CNTLN: variants seen among roughly 807,000 people sequenced by gnomAD.
CNTLN encodes the protein centlein, also known as centlein, centrosomal protein.
CNTLN carries 212 observed loss-of-function variants against 180.0 expected under a neutral mutation model. The observed-to-expected ratio is 1.18, with a 90% CI of 1.05 to 1.32. The LOEUF (loss-of-function observed/expected upper bound fraction) is 1.32. Among genes scored for constraint, CNTLN ranks in the 40% most tolerant of loss-of-function variants. The pLI is 0.00. For synonymous variants in CNTLN, 722 were observed against 563.1 expected (o/e 1.28, Z -3.99); for missense variants, 2,095 against 1,610.9 (o/e 1.30, Z -5.14).
At chr9:17,485,192 T>G (rs1832833562) in intron 24 of CNTLN, among the ~76,000 whole-genome samples, 1 of 152,146 alleles carries the variant, frequency 6.6e-6, no homozygotes, top group Admixed American at 6.5e-5. Context: ...TATTAGATTT[T>G]TATCCTTTGG....
chr9:17,245,627 A>G (rs1825754526), intron 5 of CNTLN, among the ~76,000 whole-genome samples: 1 of 151,678 alleles, frequency 6.6e-6, no homozygotes, highest in African/African-American at 2.4e-5. Context: ...CTTTGAATAT[A>G]TTTTCTAGCC....
intron 6 of CNTLN, among the ~76,000 whole-genome samples, chr9:17,294,976 G>A (rs76610117): frequency 3.4e-5 from 5 of 147,870 alleles, no homozygotes; most frequent in East Asian, 2.1e-4. Flanking sequence ...CAGCCCTGCC[G>A]CACAGGGAGG....
At chr9:17,354,927 G>A (rs1304850902) in intron 12 of CNTLN, among the ~76,000 whole-genome samples, 2 of 151,766 alleles carry the variant, frequency 1.3e-5, no homozygotes, top group African/African-American at 4.8e-5. Context: ...GAGACCACGA[G>A]CCCACCGGGA....
chr9:17,214,516 T>C (rs993346682), intron 2 of CNTLN, among the ~76,000 whole-genome samples: 2 of 152,190 alleles, frequency 1.3e-5, no homozygotes. Flanking sequence ...CTTTGGTGAA[T>C]CTGACAATTA....
At chr9:17,509,517 G>A in the CNTLN span, among the ~76,000 whole-genome samples, 1 of 152,210 alleles carries the variant, frequency 6.6e-6, no homozygotes, top group East Asian at 1.9e-4. Flanking sequence ...CTGTGCTCAT[G>A]AAATTCATGT....
intron 23 of CNTLN, among the ~76,000 whole-genome samples, chr9:17,468,519 GGC>G (rs1304521845): frequency 2.6e-5 from 4 of 151,204 alleles, no homozygotes; most frequent in African/African-American, 9.7e-5. Flanking sequence ...TGGAGCTTTT[GGC>G]TAAGATATAA....
chr9:17,290,478 C>T (rs1288427090), intron 6 of CNTLN, among the ~76,000 whole-genome samples: 1 of 147,226 alleles, frequency 6.8e-6, no homozygotes, highest in Non-Finnish European at 1.5e-5. Context: ...CTGTGCCCTG[C>T]CCCCAGAGGT....
intron 12 of CNTLN, among the ~76,000 whole-genome samples, chr9:17,361,739 C>G (rs147553442): frequency 6.6e-6 from 1 of 152,344 alleles, no homozygotes; most frequent in African/African-American, 2.4e-5. Flanking sequence ...AAAGTGCTTT[C>G]AGGCAGAAAT....
At chr9:17,517,294 A>C in the CNTLN span, among the ~76,000 whole-genome samples, 1 of 152,032 alleles carries the variant, frequency 6.6e-6, no homozygotes, top group Non-Finnish European at 1.5e-5. Flanking sequence ...GGTGAGGCTG[A>C]GGCAGGAGAA....
At chr9:17,522,699 T>C in the CNTLN span, among the ~76,000 whole-genome samples, 1 of 151,882 alleles carries the variant, frequency 6.6e-6, no homozygotes, top group African/African-American at 2.4e-5. Context: ...TCAGGCTATC[T>C]AGCTTTTTGT....
intron 15 of CNTLN, among the ~76,000 whole-genome samples, chr9:17,401,170 A>C (rs1338430993): frequency 6.6e-6 from 1 of 152,148 alleles, no homozygotes. Context: ...AGAACTTTGC[A>C]TATAGTTAGT....
intron 2 of CNTLN, among the ~76,000 whole-genome samples, chr9:17,193,123 A>G (rs1248113264): frequency 1.3e-5 from 2 of 152,124 alleles, no homozygotes; most frequent in Non-Finnish European, 2.9e-5. Context: ...GCTCCCTCCT[A>G]CAACCTGTGG....
At chr9:17,219,577 T>G (rs890617889) in intron 2 of CNTLN, among the ~76,000 whole-genome samples, 1 of 152,008 alleles carries the variant, frequency 6.6e-6, no homozygotes, top group Non-Finnish European at 1.5e-5. Flanking sequence ...TCAGGTATAT[T>G]TTTGAAGTTT....
At chr9:17,295,471 C>T (rs867402985) in intron 6 of CNTLN, among the ~76,000 whole-genome samples, 10 of 152,060 alleles carry the variant, frequency 6.6e-5, no homozygotes, top group Non-Finnish European at 1.0e-4. Flanking sequence ...GGTGGGCCGT[C>T]GCACCACCCT....
At chr9:17,290,505 G>A (rs531697293) in intron 6 of CNTLN, among the ~76,000 whole-genome samples, 7 of 145,892 alleles carry the variant, frequency 4.8e-5, no homozygotes, top group South Asian at 2.4e-4. Context: ...TACAGAGGCA[G>A]GCAGGCCTCC....
intron 21 of CNTLN, among the ~76,000 whole-genome samples, chr9:17,465,702 T>C (rs1831708312): frequency 6.6e-6 from 1 of 151,376 alleles, no homozygotes; most frequent in East Asian, 1.9e-4. Flanking sequence ...TAGTAATTAA[T>C]GGATATGTAG....
chr9:17,432,379 T>C (rs1829467608), intron 18 of CNTLN, among the ~76,000 whole-genome samples: 1 of 152,192 alleles, frequency 6.6e-6, no homozygotes, highest in African/African-American at 2.4e-5. Flanking sequence ...AAAAGTTCAC[T>C]GACTGTAATT....
chr9:17,262,968 T>C (rs1163125082), intron 5 of CNTLN, among the ~76,000 whole-genome samples: 1 of 151,368 alleles, frequency 6.6e-6, no homozygotes, highest in African/African-American at 2.5e-5. Flanking sequence ...GAGATGATCA[T>C]ATGGTTTTGT....
At chr9:17,299,221 G>A (rs530203080) in intron 7 of CNTLN, 5 of 135,866 alleles carry the variant, frequency 3.7e-5, no homozygotes, top group Admixed American at 1.1e-4. Flanking sequence ...CCAGCCAGGC[G>A]ACAGGGGGAG....
Sources: allele counts gnomAD v4.1 joint callset (sites outside exome capture counted in the v4.1 genomes callset), GRCh38; gene constraint gnomAD v4.1.1; transcripts MANE v1.5; gene names NCBI Gene and HGNC (gene_info 2026-07-23, HGNC 2026-07-21).